Variants in COL18A1 observed in about 807,000 individuals in gnomAD.
The protein encoded by COL18A1 is collagen alpha-1(XVIII) chain.
A neutral mutation model predicts 168.0 loss-of-function variants in COL18A1; 133 were observed. That is an observed-to-expected ratio of 0.79 (90% CI 0.69 to 0.91). COL18A1 has a LOEUF of 0.91. Ranked by LOEUF, COL18A1 falls within the 40% of genes least tolerant of loss-of-function variation. The probability of loss-of-function intolerance (pLI) is 0.00; values close to 1 mark genes in which losing one functional copy is unlikely to be tolerated. For synonymous variants in COL18A1, 949 were observed against 809.0 expected (o/e 1.17, Z -2.94); for missense variants, 2,126 against 1,925.4 (o/e 1.10, Z -1.95).
intron 18 of COL18A1, 71 bp from the exon 19 acceptor site, chr21:45,489,415 C>A: frequency 8.5e-7 from 1 of 1,171,772 alleles, no homozygotes; most frequent in Non-Finnish European, 1.2e-6. Context: ...CTTCCCTTCA[C>A]CCGGGGTGGA....
Position 45,480,496 on chromosome 21 carries a change from C to G in COL18A1, c.1428C>G (p.Phe476Leu). The change falls in exon 12 of 42, where the codon TTC (phenylalanine) becomes TTG (leucine). Residue 476 changes from phenylalanine (F) to leucine (L), a missense_variant. Phe to Leu is a conservative substitution (Grantham distance 22, BLOSUM62 0). Transcript: ENST00000651438. The stretch of plus-strand genomic sequence containing the variant: ...TCATTGACATGGAGGGATCTGGCTT[C>G]GGGGGCGATCTGGAGGCCCTGCGGG... ...LTFIDMEGSG[F>L]GGDLEALRGP... is the part of the protein sequence containing the mutation. The G allele has an allele frequency of 2.5e-6, 4 of 1,614,010 alleles. No homozygotes were observed. Among genetic ancestry groups the G allele is most frequent in the South Asian group, 1.1e-5 (1 of 91,084 alleles).
chr21:45,510,975 ACCCCC>A lies in COL18A1; in HGVS notation c.3694-134_3694-130del. 154 of 34,726 alleles carry A rather than the reference ACCCCC, an allele frequency of 4.4e-3. 37 individuals are homozygous for A. Among genetic ancestry groups the A allele is most frequent in the Middle Eastern group, 8.3e-3 (1 of 120 alleles). The allele number at this position is 34,726 out of a possible 1,614,324, so 2.2% of individuals were successfully genotyped here. A position where few individuals can be genotyped will look rare whatever the true frequency, so the allele number is the denominator to read the frequency against. The stretch of plus-strand genomic sequence containing the variant: ...CAACACCCCACATACACCCCCAAAC[ACCCCC>A]CACACCCCACACACACAACACACCC... On this transcript the variant is annotated intron_variant, in intron 40 of 41. Transcript: ENST00000651438.
chr21:45,482,788 C>A lies in COL18A1; in HGVS notation c.1675-7C>A, dbSNP rs374650058. ...ATTTTGTCATAATCCTGCTCTTTTC[C>A]GTACAGGGTGAAGCAGGCGCCCCAG... On this transcript the variant is annotated splice_polypyrimidine_tract_variant and splice_region_variant and intron_variant, in intron 14 of 41. Coordinates refer to ENST00000651438, the MANE Select transcript of COL18A1 (RefSeq NM_001379500.1). 6.2e-7 allele frequency: 1 copy of A among 1,614,230 alleles called. No individual in the cohort carries two copies. Among genetic ancestry groups the A allele is most frequent in the Non-Finnish European group, 8.5e-7 (1 of 1,180,040 alleles).
intron 2 of COL18A1, among the ~76,000 whole-genome samples, chr21:45,464,319 G>A (rs77982576): frequency 0.024 from 3,628 of 152,258 alleles, 140 homozygotes; most frequent in Admixed American, 0.097. Flanking sequence ...GAAGTCAACA[G>A]CCCAACCTGG....
At chr21:45,417,528 G>A (rs764373836) in intron 2 of COL18A1, among the ~76,000 whole-genome samples, 20 of 152,244 alleles carry the variant, frequency 1.3e-4, no homozygotes, top group African/African-American at 3.1e-4. Flanking sequence ...GGGTGCCCCC[G>A]CCCTGCCTGG....
chr21:45,495,098 G>T (rs115121456), intron 28 of COL18A1, 183 bp downstream of exon 28: 3 of 663,450 alleles, frequency 4.5e-6, no homozygotes, highest in Non-Finnish European at 7.9e-6. Context: ...AGTACCCCAC[G>T]AGGGGCCAGT....
At chr21:45,478,028 G>GGA in intron 8 of COL18A1, 63 bp downstream of exon 8, 1 of 940,700 alleles carries the variant, frequency 1.1e-6, no homozygotes, top group Non-Finnish European at 1.6e-6. Flanking sequence ...GGTAGGAGGG[G>GGA]GAGAGGCTGC....
At chr21:45,434,413 TGA>T (rs986849425) in intron 2 of COL18A1, among the ~76,000 whole-genome samples, 2 of 152,116 alleles carry the variant, frequency 1.3e-5, no homozygotes, top group Non-Finnish European at 2.9e-5. Flanking sequence ...CAGGTCCAGG[TGA>T]GAGAGTCTGT....
At chr21:45,462,598 T>A (rs574308271) in intron 2 of COL18A1, among the ~76,000 whole-genome samples, 1 of 152,340 alleles carries the variant, frequency 6.6e-6, no homozygotes, top group Non-Finnish European at 1.5e-5. Context: ...TTCTTTCTGG[T>A]TTCTTTCAAG....
intron 32 of COL18A1, among the ~76,000 whole-genome samples, chr21:45,499,687 A>G (rs960684224): frequency 1.3e-5 from 2 of 152,162 alleles, no homozygotes; most frequent in African/African-American, 4.8e-5. Flanking sequence ...CCGTGGTCTC[A>G]GCGCCCTGGG....
At chr21:45,474,816 C>A (rs2035584963) in intron 4 of COL18A1, among the ~76,000 whole-genome samples, 2 of 208 alleles carry the variant, frequency 9.6e-3, no homozygotes, top group African/African-American at 0.062. Context: ...GGACTGTGGG[C>A]AGTGTGTGAA....
Position 45,512,489 on chromosome 21 carries a change from C to A in COL18A1, c.*91C>A, listed in dbSNP as rs2037670117. ...GGAGCGGCCGGCCAGCCCCTGGCCC[C>A]AGGACCTGGCTGCCATACTTTCCTG... On this transcript the variant is annotated 3_prime_UTR_variant, in exon 42 of 42. Transcript: ENST00000651438. 2 of 1,207,134 alleles carry A rather than the reference C, an allele frequency of 1.7e-6. No homozygotes were observed. The allele number at this position is 1,207,134 out of a possible 1,614,324, so 74.8% of individuals were successfully genotyped here. A position where few individuals can be genotyped will look rare whatever the true frequency, so the allele number is the denominator to read the frequency against.
rs1179898242 is a variant in COL18A1 at position 45,508,335 on chromosome 21, G to A, written c.3249+742G>A. On this transcript the variant is annotated intron_variant, in intron 38 of 41. Transcript: ENST00000651438. ...GACAGGTGGGTGAGTGGATAGATGG[G>A]CAGATGGATGGTGGACAAGTGGGTG... 2.0e-5 allele frequency among the ~76,000 whole-genome samples: 3 copies of A among 151,024 alleles called. No homozygotes were observed. The East Asian group carries it at 5.9e-4, about 30-fold the overall frequency.
rs1602512620 is a variant in COL18A1, at chr21:45,484,294, GTGCACACACACACCTCCAGCATACATGCA to G, written c.1701+1474_1701+1502del. Among the ~76,000 whole-genome samples the G allele has an allele frequency of 5.8e-5, 7 of 121,432 alleles. No homozygotes were observed. In the East Asian group the frequency reaches 1.3e-3, roughly 23 times the overall value. 79.7% of individuals were successfully genotyped at this position (121,432 alleles called of 152,430 possible). A position where few individuals can be genotyped will look rare whatever the true frequency, so the allele number is the denominator to read the frequency against. ...ATAGGCACACACATCTCCAGCATATGTGCACACACACACCTCCAGCATACATGCACACACATGCACACACACATCTCCAG... is the reference window on the plus strand; with the variant it reads ...ATAGGCACACACATCTCCAGCATATGCACACATGCACACACACATCTCCAG... On this transcript the variant is annotated intron_variant, in intron 15 of 41. Transcript: ENST00000651438.
At position 45,498,570 on chromosome 21, in the gene COL18A1, C is replaced by T. The variant is rs1295646539; in HGVS notation, c.2683+909C>T. 3 of 716,602 alleles carry T rather than the reference C, an allele frequency of 4.2e-6. No homozygotes were observed. Among genetic ancestry groups the T allele is most frequent in the Non-Finnish European group, 2.6e-6 (1 of 384,750 alleles). The allele number at this position is 716,602 out of a possible 1,614,324, so 44.4% of individuals were successfully genotyped here. ...GCTGCACTCTGGGGTGGGAAGGGAC[C>T]AGGCAGGCAGAGGCCGAGTCTGGGC... On this transcript the variant is annotated intron_variant, in intron 32 of 41. Coordinates refer to ENST00000651438, the MANE Select transcript of COL18A1 (RefSeq NM_001379500.1). This position sits in a 1 kb window ranked among gnomAD's most constrained non-coding sequence, Gnocchi z 4.5.
chr21:45,463,423 G>A lies in COL18A1; in HGVS notation c.107-4819G>A, dbSNP rs548623665. Among the ~76,000 whole-genome samples, 45 of 152,318 alleles carry A rather than the reference G, an allele frequency of 3.0e-4. No homozygotes were observed. Among genetic ancestry groups the A allele is most frequent in the African/African-American group, 1.0e-3 (42 of 41,566 alleles). The stretch of plus-strand genomic sequence containing the variant: ...TTAGCTAAATTAACCACCCGTTACC[G>A]TCCAAGCCTTCCTGTGGACATTGCA... On this transcript the variant is annotated intron_variant, in intron 2 of 41. Transcript: ENST00000651438. This position sits in a 1 kb window ranked among gnomAD's most constrained non-coding sequence, Gnocchi z 4.0.
At position 45,463,072 on chromosome 21, in the gene COL18A1, T is replaced by C. The variant is rs1419999669; in HGVS notation, c.107-5170T>C. Among the ~76,000 whole-genome samples, 1 of 152,152 alleles carries C rather than the reference T, an allele frequency of 6.6e-6. No individual in the cohort carries two copies. Among genetic ancestry groups the C allele is most frequent in the East Asian group, 1.9e-4 (1 of 5,196 alleles). On this transcript the variant is annotated intron_variant, in intron 2 of 41. Coordinates refer to ENST00000651438, the MANE Select transcript of COL18A1 (RefSeq NM_001379500.1). This position sits in a 1 kb window ranked among gnomAD's most constrained non-coding sequence, Gnocchi z 4.0. ...AATGTCCCGTTCTTTCATGTTTGGC[T>C]CCCAAAGGAGGAATAAGATAAAAAT...
intron 2 of COL18A1, chr21:45,420,554 T>A (rs1277032119): frequency 1.3e-5 from 2 of 152,172 alleles, no homozygotes; most frequent in Non-Finnish European, 2.9e-5. Context: ...TGTCAGCTCA[T>A]GACACCGGAC....
intron 2 of COL18A1, among the ~76,000 whole-genome samples, chr21:45,414,167 TCTC>T (rs1254744405): frequency 2.6e-5 from 4 of 152,090 alleles, no homozygotes; most frequent in Non-Finnish European, 4.4e-5. Flanking sequence ...TCAGCTCCCT[TCTC>T]CTGGCTTTGC....
Sources: gnomAD v4.1 joint callset for allele counts (sites outside exome capture counted in the v4.1 genomes callset) on GRCh38, gnomAD v4.1.1 for gene constraint, Gnocchi (gnomAD v3.1) non-coding constraint, MANE v1.5 for transcripts, NCBI Gene and HGNC (gene_info 2026-07-23, HGNC 2026-07-21) for gene names.